CELF1: variants seen among roughly 807,000 people sequenced by gnomAD.
The protein encoded by CELF1 is CUGBP Elav-like family member 1, also known as 50 kDa nuclear polyadenylated RNA-binding protein.
CELF1 carries 10 observed loss-of-function variants against 61.8 expected under a neutral mutation model. That is an observed-to-expected ratio of 0.16 (90% CI 0.10 to 0.27). The LOEUF (loss-of-function observed/expected upper bound fraction) is 0.27, where lower values mean the gene tolerates loss of function less well. CELF1 is among the 10% of genes least tolerant of loss of function. The pLI is 1.00. For missense variants in CELF1, 380 were observed against 639.1 expected (o/e 0.59, Z 4.37); for synonymous variants, 236 against 225.1 (o/e 1.05, Z -0.43).
chr11:47,513,427 C>T (rs945479748), intron 1 of CELF1, among the ~76,000 whole-genome samples: 1 of 151,256 alleles, frequency 6.6e-6, no homozygotes, highest in African/African-American at 2.4e-5. Context: ...CCTGAAATTG[C>T]AGGTACTGTA....
intron 3 of CELF1, among the ~76,000 whole-genome samples, chr11:47,495,482 A>G (rs73461727): frequency 0.021 from 3,154 of 152,262 alleles, 127 homozygotes; most frequent in African/African-American, 0.072. Flanking sequence ...AATAGTGGAA[A>G]TGGTTACACA....
At chr11:47,493,513 G>GAAAAAAAAAAAAAAAAAA in intron 3 of CELF1, among the ~76,000 whole-genome samples, 1 of 84,912 alleles carries the variant, frequency 1.2e-5, no homozygotes, top group Non-Finnish European at 2.3e-5. Flanking sequence ...ATCTCAAAAA[G>GAAAAAAAAAAAAAAAAAA]AAAAAAAAAA....
rs1190089686 is a variant in CELF1 at position 47,488,995 on chromosome 11, T to G, written c.101A>C (p.His34Pro). 4.4e-6 allele frequency: 7 copies of G among 1,599,604 alleles called. No individual in the cohort carries two copies. The highest frequency in any genetic ancestry group is 5.1e-6 in the Non-Finnish European group (6 of 1,175,876). Residue 34 changes from histidine (H) to proline (P), a missense_variant, in exon 4 of 15, where the codon CAC becomes CCC. Transcript: ENST00000687097. The stretch of plus-strand genomic sequence containing the variant: ...AGCATCAAGATCTGGTTGGTCTGGG[T>G]GGTCCAGGGTGCCGTTCATTTTCTT... ...VSKKMNGTLD[H>P]PDQPDLDAIK... is the part of the protein sequence containing the mutation.
chr11:47,529,188 C>T (rs181272322), intron 1 of CELF1, among the ~76,000 whole-genome samples: 192 of 151,848 alleles, frequency 1.3e-3, no homozygotes, highest in African/African-American at 4.6e-3. Context: ...AGTAATTATC[C>T]CACCTCAGCC....
In CELF1 at chr11:47,469,028, A is replaced by T. The variant is rs1019645524; in HGVS notation, c.*3202T>A. Reference sequence around the variant, plus strand: ...TGAGGTGGGCGGGCAGGGGTTGGGTAATGACAGGGAACTTTTGCACATGCT... The same window carrying T: ...TGAGGTGGGCGGGCAGGGGTTGGGTTATGACAGGGAACTTTTGCACATGCT... On this transcript the variant is annotated 3_prime_UTR_variant, in exon 15 of 15. Transcript: ENST00000687097. The T allele has an allele frequency of 6.6e-6, 1 of 152,314 alleles. No individual in the cohort carries two copies. Among genetic ancestry groups the T allele is most frequent in the Non-Finnish European group, 1.5e-5 (1 of 68,106 alleles). The allele number at this position is 152,314 out of a possible 1,614,324, so 9.4% of individuals were successfully genotyped here.
intron 10 of CELF1, among the ~76,000 whole-genome samples, chr11:47,478,576 C>T (rs899081501): frequency 6.6e-6 from 1 of 152,108 alleles, no homozygotes; most frequent in Non-Finnish European, 1.5e-5. Context: ...CAATTTTTTC[C>T]CCTTATCAGA....
chr11:47,474,817 C>T (rs768254989), intron 13 of CELF1, among the ~76,000 whole-genome samples: 2 of 152,180 alleles, frequency 1.3e-5, no homozygotes, highest in Non-Finnish European at 2.9e-5. Flanking sequence ...TATTTTTCTC[C>T]TAAATTGAAT....
intron 2 of CELF1, among the ~76,000 whole-genome samples, chr11:47,563,587 G>T (rs1311146429): frequency 2.6e-5 from 4 of 152,194 alleles, no homozygotes; most frequent in Non-Finnish European, 5.9e-5. Flanking sequence ...TACTGGGGAG[G>T]ATGAGGCAGG....
chr11:47,537,931 T>TA (rs1458249785), intron 1 of CELF1, among the ~76,000 whole-genome samples: 9 of 151,382 alleles, frequency 5.9e-5, no homozygotes, highest in Non-Finnish European at 1.0e-4. Flanking sequence ...TTTTTTTTTT[T>TA]AAAGAAAGGT....
intron 10 of CELF1, 131 bp downstream of exon 10, chr11:47,478,746 T>C: frequency 1.5e-6 from 1 of 671,232 alleles, no homozygotes; most frequent in South Asian, 1.6e-5. Flanking sequence ...CTGGGATGTT[T>C]ATCCTAGGTC....
chr11:47,521,113 A>C (rs1440696868), intron 1 of CELF1, among the ~76,000 whole-genome samples: 1 of 151,976 alleles, frequency 6.6e-6, no homozygotes, highest in African/African-American at 2.4e-5. Context: ...TTAGCCGGGC[A>C]TAGTGGCGGG....
chr11:47,475,467 C>A lies in CELF1; in HGVS notation c.1142G>T (p.Gly381Val). The A allele has an allele frequency of 6.2e-7, 1 of 1,614,036 alleles. No individual in the cohort carries two copies. Among genetic ancestry groups the A allele is most frequent in the South Asian group, 1.1e-5 (1 of 91,072 alleles). ...LGSSGLSNGT[G>V]STMEALTQAY... ...CTGAGTGAGGGCCTCCATGGTGCTC[C>A]CGGTGCCATTGGAAAGGCCACTGCT... The change falls in exon 13 of 15, where the codon GGG becomes GTG. Residue 381 changes from glycine to valine, a missense_variant. Physicochemically the swap from Gly to Val is moderately radical, Grantham distance 109. Coordinates refer to ENST00000687097, the MANE Select transcript of CELF1 (RefSeq NM_001376376.1).
At chr11:47,529,437 A>G (rs2096384728) in intron 1 of CELF1, among the ~76,000 whole-genome samples, 1 of 152,182 alleles carries the variant, frequency 6.6e-6, no homozygotes, top group African/African-American at 2.4e-5. Flanking sequence ...CTGTAATCCC[A>G]GCACGTTGCG....
chr11:47,546,113 T>A, intron 1 of CELF1, among the ~76,000 whole-genome samples: 1 of 151,400 alleles, frequency 6.6e-6, no homozygotes, highest in East Asian at 1.9e-4. Context: ...GGTTTCACCG[T>A]GTTAGCCAGG....
At chr11:47,560,668 C>T (rs1205661874) in intron 2 of CELF1, among the ~76,000 whole-genome samples, 1 of 151,896 alleles carries the variant, frequency 6.6e-6, no homozygotes, top group African/African-American at 2.4e-5. Context: ...GTTGTGCAAC[C>T]CTGTGAGTAT....
intron 1 of CELF1, among the ~76,000 whole-genome samples, chr11:47,509,273 T>C (rs1011801601): frequency 2.0e-5 from 3 of 152,194 alleles, no homozygotes; most frequent in Admixed American, 2.0e-4. Context: ...AAGCCTGAAC[T>C]GTTTGTACTG....
intron 1 of CELF1, among the ~76,000 whole-genome samples, chr11:47,549,301 G>A (rs2097070945): frequency 6.6e-6 from 1 of 152,176 alleles, no homozygotes. Flanking sequence ...ACTTGATCCA[G>A]CAATCCCACT....
At chr11:47,499,407 C>T (rs546834987) in intron 3 of CELF1, 46 bp downstream of exon 3, 1 of 1,423,068 alleles carries the variant, frequency 7.0e-7, no homozygotes, top group African/African-American at 1.4e-5. Context: ...AGAAAACAGC[C>T]CAGTTCCTCT....
intron 10 of CELF1, chr11:47,477,821 G>A (rs1402188485): frequency 1.2e-5 from 2 of 164,318 alleles, no homozygotes; most frequent in Non-Finnish European, 2.7e-5. Context: ...GTAATAGAGG[G>A]GAACACGCAG....
Sources: gnomAD v4.1 joint callset for allele counts (sites outside exome capture counted in the v4.1 genomes callset) on GRCh38, gnomAD v4.1.1 for gene constraint, MANE v1.5 for transcripts, NCBI Gene and HGNC (gene_info 2026-07-23, HGNC 2026-07-21) for gene names.